The following GABRB3 variants were observed in gnomAD, a reference collection of about 807,000 sequenced individuals.
The protein encoded by GABRB3 is gamma-aminobutyric acid receptor subunit beta-3.
Under a neutral mutation model 52.1 loss-of-function variants are expected in GABRB3, and 14 were observed. The ratio of observed to expected loss-of-function variants is 0.27; its 90% CI spans 0.18 to 0.42. GABRB3 has a LOEUF of 0.42. Ranked by LOEUF, GABRB3 falls within the 10% of genes least tolerant of loss-of-function variation. The probability of loss-of-function intolerance (pLI) is 1.00; values close to 1 mark genes in which losing one functional copy is unlikely to be tolerated. For synonymous variants in GABRB3, 260 were observed against 232.3 expected, an observed-to-expected ratio of 1.12 and a Z score of -1.08; for missense variants, 307 against 609.1, an observed-to-expected ratio of 0.50 and a Z score of 5.22.
At chr15:26,716,664 C>A in intron 3 of GABRB3, 1 of 1,007,728 alleles carries the variant, frequency 9.9e-7, no homozygotes, top group Non-Finnish European at 1.2e-6. Context: ...CAAGTCTCTT[C>A]TATTTCTTTA....
intron 3 of GABRB3, among the ~76,000 whole-genome samples, chr15:26,743,317 AACAC>A (rs781077115): frequency 2.7e-4 from 41 of 152,110 alleles, no homozygotes; most frequent in Non-Finnish European, 3.4e-4. Context: ...CACAGCCCCT[AACAC>A]ACCCCTCAGC....
chr15:26,662,867 G>C (rs1302992188), intron 3 of GABRB3, among the ~76,000 whole-genome samples: 2 of 152,170 alleles, frequency 1.3e-5, no homozygotes, highest in African/African-American at 4.8e-5. Flanking sequence ...TTGCTTTACA[G>C]TTATTTTAAA....
intron 3 of GABRB3, among the ~76,000 whole-genome samples, chr15:26,742,513 G>A (rs569715908): frequency 1.2e-4 from 18 of 152,130 alleles, no homozygotes; most frequent in South Asian, 4.1e-4. Context: ...TATTTCATAC[G>A]TGGCATGAGA....
At chr15:26,769,631 C>T (rs1047004135) in intron 3 of GABRB3, among the ~76,000 whole-genome samples, 2 of 152,110 alleles carry the variant, frequency 1.3e-5, no homozygotes, top group African/African-American at 4.8e-5. Context: ...TCTTTCCTAA[C>T]CCAGAATATC....
rs550319370 is a variant in GABRB3 at position 26,727,054 on chromosome 15, G to C, written c.240+45348C>G. Among the ~76,000 whole-genome samples the C allele has an allele frequency of 3.3e-5, 5 of 152,284 alleles. No homozygotes were observed. The South Asian group carries it at 6.2e-4, about 19-fold the overall frequency. On this transcript the variant is annotated intron_variant, in intron 3 of 8. Transcript: ENST00000311550. ...TGCACCTGTAATCCCAGCTACTAGG[G>C]AGGCTGAGGCAGGAGAATTGATTGA...
intron 6 of GABRB3, among the ~76,000 whole-genome samples, chr15:26,575,950 C>A (rs1890576077): frequency 6.6e-6 from 1 of 152,184 alleles, no homozygotes; most frequent in Non-Finnish European, 1.5e-5. Flanking sequence ...TTGCGAAAAT[C>A]TCAATCTTTC....
At chr15:26,556,251 A>C (rs1889746357) in intron 8 of GABRB3, among the ~76,000 whole-genome samples, 1 of 152,244 alleles carries the variant, frequency 6.6e-6, no homozygotes, top group Admixed American at 6.5e-5. Context: ...CTCATTCAGA[A>C]TATAGCACAG....
intron 3 of GABRB3, among the ~76,000 whole-genome samples, chr15:26,691,786 G>C (rs1213223533): frequency 3.4e-5 from 5 of 145,000 alleles, no homozygotes; most frequent in Non-Finnish European, 7.4e-5. Context: ...AGAAAACAAA[G>C]AAAGAAAGAA....
chr15:26,719,051 G>A (rs751863532), intron 3 of GABRB3, among the ~76,000 whole-genome samples: 3 of 152,248 alleles, frequency 2.0e-5, no homozygotes, highest in African/African-American at 7.2e-5. Flanking sequence ...CTGGCAAGTG[G>A]GGCTTCCTAC....
intron 3 of GABRB3, among the ~76,000 whole-genome samples, chr15:26,677,742 G>A (rs1217331016): frequency 6.6e-6 from 1 of 152,152 alleles, no homozygotes; most frequent in East Asian, 1.9e-4. Flanking sequence ...TATTTACTTT[G>A]AAGTTAACTC....
At chr15:26,581,983 G>C (rs1288843820) in intron 5 of GABRB3, among the ~76,000 whole-genome samples, 1 of 152,004 alleles carries the variant, frequency 6.6e-6, no homozygotes, top group Non-Finnish European at 1.5e-5. Flanking sequence ...GATAAACTTT[G>C]GGTTGATGAA....
chr15:26,709,510 TC>T (rs917398974), intron 3 of GABRB3, among the ~76,000 whole-genome samples: 22 of 128,098 alleles, frequency 1.7e-4, no homozygotes, highest in Non-Finnish European at 3.1e-4. Flanking sequence ...TTCTTTTTTT[TC>T]TTTCTTTTTT....
chr15:26,677,858 A>G (rs1031386528), intron 3 of GABRB3, among the ~76,000 whole-genome samples: 10 of 152,146 alleles, frequency 6.6e-5, no homozygotes, highest in African/African-American at 2.2e-4. Flanking sequence ...TGTCCTCCCA[A>G]TTTCACCCAG....
At chr15:26,595,218 ACTTGCATTCT>A (rs1331986494) in intron 4 of GABRB3, among the ~76,000 whole-genome samples, 1 of 152,104 alleles carries the variant, frequency 6.6e-6, no homozygotes, top group Non-Finnish European at 1.5e-5. Context: ...CCCTTCTCTT[ACTTGCATTCT>A]GAGTTAGGCA....
intron 3 of GABRB3, among the ~76,000 whole-genome samples, chr15:26,676,871 A>AT (rs1299287127): frequency 1.3e-5 from 2 of 152,092 alleles, no homozygotes; most frequent in Admixed American, 6.5e-5. Context: ...TTTTCTTTGA[A>AT]TTTTTTCTCC....
At chr15:26,748,638 G>GTAT (rs1890415458) in intron 3 of GABRB3, among the ~76,000 whole-genome samples, 3 of 152,042 alleles carry the variant, frequency 2.0e-5, no homozygotes, top group Non-Finnish European at 2.9e-5. Flanking sequence ...ATTTTGGGGG[G>GTAT]CAAGATAAAA....
At chr15:26,616,778 C>T (rs1452682582) in intron 4 of GABRB3, among the ~76,000 whole-genome samples, 1 of 151,910 alleles carries the variant, frequency 6.6e-6, no homozygotes, top group African/African-American at 2.4e-5. Context: ...AGTTACAGAC[C>T]AAGCAATTTT....
At chr15:26,654,145 TTTTG>T (rs1379153928) in intron 3 of GABRB3, among the ~76,000 whole-genome samples, 2 of 152,238 alleles carry the variant, frequency 1.3e-5, no homozygotes, top group East Asian at 1.9e-4. Context: ...AAAGGTGTTT[TTTTG>T]TTTGTTTGTT....
intron 7 of GABRB3, among the ~76,000 whole-genome samples, chr15:26,565,069 T>C (rs1288551604): frequency 6.6e-6 from 1 of 152,170 alleles, no homozygotes; most frequent in Admixed American, 6.5e-5. Context: ...GTGCTGTGAG[T>C]CTTCTCCAGA....
Sources: allele counts gnomAD v4.1 joint callset (sites outside exome capture counted in the v4.1 genomes callset), GRCh38; gene constraint gnomAD v4.1.1; transcripts MANE v1.5; gene names NCBI Gene and HGNC (gene_info 2026-07-23, HGNC 2026-07-21).